NTM: variants seen among roughly 807,000 people sequenced by gnomAD.
NTM encodes IgLON family member 2.
In NTM, 13 loss-of-function variants were observed where a neutral mutation model predicts 42.1. The observed-to-expected ratio is 0.31, with a 90% CI of 0.20 to 0.49. The LOEUF (loss-of-function observed/expected upper bound fraction) is 0.49. NTM is among the 20% of genes least tolerant of loss of function. The probability of loss-of-function intolerance (pLI) is 0.99; values close to 1 mark genes in which losing one functional copy is unlikely to be tolerated. For missense variants in NTM, 373 were observed against 452.8 expected, an observed-to-expected ratio of 0.82 and a Z score of 1.60; for synonymous variants, 187 against 179.2, an observed-to-expected ratio of 1.04 and a Z score of -0.35.
chr11:131,879,176 G>T (rs2049067666), intron 1 of NTM, among the ~76,000 whole-genome samples: 1 of 152,044 alleles, frequency 6.6e-6, no homozygotes, highest in Non-Finnish European at 1.5e-5. Context: ...GTGTATTCAG[G>T]CTTCTCATTC....
chr11:132,125,223 A>G (rs1258964154), intron 2 of NTM, among the ~76,000 whole-genome samples: 2 of 152,148 alleles, frequency 1.3e-5, no homozygotes, highest in African/African-American at 4.8e-5. Context: ...TGAGTGAATT[A>G]GACTAAGTCA....
intron 1 of NTM, among the ~76,000 whole-genome samples, chr11:131,555,117 G>T (rs537261663): frequency 1.3e-5 from 2 of 152,250 alleles, no homozygotes; most frequent in East Asian, 3.9e-4. Context: ...AGCTATGGTC[G>T]TGCCACTGCA....
chr11:131,477,582 G>A (rs1215243685), intron 1 of NTM, among the ~76,000 whole-genome samples: 1 of 151,482 alleles, frequency 6.6e-6, no homozygotes, highest in Non-Finnish European at 1.5e-5. Context: ...GAATGTTGGT[G>A]TCCAGTAAAT....
chr11:132,179,909 C>T (rs942580187), intron 3 of NTM, among the ~76,000 whole-genome samples: 6 of 152,150 alleles, frequency 3.9e-5, no homozygotes, highest in Non-Finnish European at 7.3e-5. Context: ...TCTAAAACCT[C>T]GCTGTTTGAT....
intron 1 of NTM, among the ~76,000 whole-genome samples, chr11:131,789,409 TTAAAA>T (rs1167241977): frequency 8.5e-5 from 7 of 82,320 alleles, no homozygotes; most frequent in African/African-American, 3.3e-4. Flanking sequence ...ATTGCTGCAG[TTAAAA>T]GAAAAAAAGA....
At chr11:131,526,862 A>C (rs2050555884) in intron 1 of NTM, among the ~76,000 whole-genome samples, 1 of 152,230 alleles carries the variant, frequency 6.6e-6, no homozygotes, top group African/African-American at 2.4e-5. Flanking sequence ...CTGCTGCCAA[A>C]GTGACAAAAA....
intron 2 of NTM, among the ~76,000 whole-genome samples, chr11:131,975,317 C>T (rs552469737): frequency 5.9e-5 from 9 of 152,138 alleles, no homozygotes; most frequent in African/African-American, 2.2e-4. Context: ...AGTAACAGGA[C>T]TACAGGTGCA....
chr11:131,831,726 C>A (rs979976605), intron 1 of NTM, among the ~76,000 whole-genome samples: 11 of 152,086 alleles, frequency 7.2e-5, no homozygotes, highest in African/African-American at 2.7e-4. Flanking sequence ...TGTGTTCATG[C>A]TGTGACTTTT....
chr11:132,335,093 G>A lies in NTM; in HGVS notation c.1015G>A (p.Gly339Ser). The A allele has an allele frequency of 6.2e-7, 1 of 1,612,632 alleles. No individual in the cohort carries two copies. Among genetic ancestry groups the A allele is most frequent in the South Asian group, 1.1e-5 (1 of 91,058 alleles). The change falls in exon 9 of 9, where the codon GGC (glycine) becomes AGC (serine). Residue 339 changes from glycine (G) to serine (S), a missense_variant. Coordinates refer to ENST00000683400, the MANE Select transcript of NTM (RefSeq NM_001352005.2). ...EVSNGTSRRA[G>S]CVWLLPLLVL... ...GAGCAACGGCACGTCGAGGAGGGCAGGCTGCGTCTGGCTGCTGCCTCTTCT... is the reference window on the plus strand; with the variant it reads ...GAGCAACGGCACGTCGAGGAGGGCAAGCTGCGTCTGGCTGCTGCCTCTTCT...
At chr11:132,258,521 G>A (rs2092646611) in intron 4 of NTM, among the ~76,000 whole-genome samples, 1 of 152,096 alleles carries the variant, frequency 6.6e-6, no homozygotes, top group South Asian at 2.1e-4. Context: ...AACTAGGGAA[G>A]TCCAGGTCAA....
chr11:131,646,122 T>C (rs1253267046), intron 1 of NTM, among the ~76,000 whole-genome samples: 1 of 152,348 alleles, frequency 6.6e-6, no homozygotes, highest in African/African-American at 2.4e-5. Context: ...ATTGATCATC[T>C]AAGACGGGGT....
chr11:131,655,316 C>T (rs1432552492), intron 1 of NTM, among the ~76,000 whole-genome samples: 1 of 152,248 alleles, frequency 6.6e-6, no homozygotes, highest in African/African-American at 2.4e-5. Flanking sequence ...TACACCAGAG[C>T]TATCCTTTGT....
chr11:131,789,630 A>AGAG (rs2090451138), intron 1 of NTM, among the ~76,000 whole-genome samples: 5 of 86,948 alleles, frequency 5.8e-5, no homozygotes, highest in African/African-American at 1.9e-4. Flanking sequence ...AAGAAGAAGA[A>AGAG]GAAGAAAAGA....
chr11:132,174,252 C>T (rs2076486216), intron 3 of NTM, among the ~76,000 whole-genome samples: 1 of 152,228 alleles, frequency 6.6e-6, no homozygotes, highest in African/African-American at 2.4e-5. Context: ...CTTAAGTTTT[C>T]TGGGCCTCAA....
chr11:131,918,125 G>T (rs2056685672), intron 2 of NTM, among the ~76,000 whole-genome samples: 1 of 152,152 alleles, frequency 6.6e-6, no homozygotes, highest in South Asian at 2.1e-4. Flanking sequence ...TACAGATAGT[G>T]GAAGTAGTGA....
At chr11:131,373,980 A>G (rs1941592933) in intron 1 of NTM, among the ~76,000 whole-genome samples, 1 of 152,220 alleles carries the variant, frequency 6.6e-6, no homozygotes, top group Non-Finnish European at 1.5e-5. Flanking sequence ...GGTTCCTGCC[A>G]TGCACAGTAC....
intron 1 of NTM, among the ~76,000 whole-genome samples, chr11:131,773,827 C>G (rs2086535332): frequency 1.3e-5 from 2 of 152,206 alleles, no homozygotes; most frequent in African/African-American, 4.8e-5. Flanking sequence ...TTGCCCTGCA[C>G]TTTCACTTAG....
chr11:131,712,369 C>T (rs2077265214), intron 1 of NTM, among the ~76,000 whole-genome samples: 1 of 151,928 alleles, frequency 6.6e-6, no homozygotes, highest in Admixed American at 6.6e-5. Context: ...GCTGTAAGAA[C>T]TACCTTCTCG....
At chr11:132,232,571 G>A (rs568266627) in intron 4 of NTM, among the ~76,000 whole-genome samples, 44 of 152,200 alleles carry the variant, frequency 2.9e-4, no homozygotes, top group Non-Finnish European at 4.6e-4. Flanking sequence ...TCTTTGCTCT[G>A]CCAGTTACTA....
Sources: gnomAD v4.1 joint callset for allele counts (sites outside exome capture counted in the v4.1 genomes callset) on GRCh38, gnomAD v4.1.1 for gene constraint, MANE v1.5 for transcripts, NCBI Gene and HGNC (gene_info 2026-07-23, HGNC 2026-07-21) for gene names.